The following LYPLAL1 variants were observed in gnomAD, a reference collection of about 807,000 sequenced individuals.
LYPLAL1 encodes the protein lysophospholipase like 1, also known as lysophospholipase-like protein 1.
LYPLAL1 carries 23 observed loss-of-function variants against 19.7 expected under a neutral mutation model. The ratio of observed to expected loss-of-function variants is 1.17; its 90% CI spans 0.84 to 1.65. The LOEUF (loss-of-function observed/expected upper bound fraction) is 1.65, where lower values mean the gene tolerates loss of function less well. LYPLAL1 is among the 40% of genes most tolerant of loss of function. The pLI, the probability that LYPLAL1 is intolerant of heterozygous loss-of-function variation, is 0.00. For synonymous variants in LYPLAL1, 119 were observed against 96.3 expected (o/e 1.24, Z -1.38); for missense variants, 355 against 279.4 (o/e 1.27, Z -1.93).
chr1:219,279,096 A>G, the LYPLAL1 span, among the ~76,000 whole-genome samples: 1 of 152,092 alleles, frequency 6.6e-6, no homozygotes, highest in Admixed American at 6.6e-5. Flanking sequence ...TCTTTTCCCA[A>G]TGCAGTCTGG....
the LYPLAL1 span, among the ~76,000 whole-genome samples, chr1:219,242,095 G>A: frequency 1.6e-4 from 24 of 152,162 alleles, no homozygotes; most frequent in Non-Finnish European, 2.8e-4. Context: ...TAAAATAGGC[G>A]CTATTAAGTT....
At chr1:219,365,004 C>G in the LYPLAL1 span, among the ~76,000 whole-genome samples, 2 of 152,038 alleles carry the variant, frequency 1.3e-5, no homozygotes, top group African/African-American at 2.4e-5. Context: ...GGTGGAAAAT[C>G]TGATAGTTAC....
At chr1:219,250,602 G>A in the LYPLAL1 span, among the ~76,000 whole-genome samples, 10 of 120,522 alleles carry the variant, frequency 8.3e-5, no homozygotes, top group Non-Finnish European at 1.5e-4. Context: ...ATTTTTCTCC[G>A]GCTTTATCCA....
intron 2 of LYPLAL1, among the ~76,000 whole-genome samples, chr1:219,185,945 A>G (rs1021566226): frequency 9.9e-5 from 15 of 151,920 alleles, no homozygotes; most frequent in African/African-American, 3.6e-4. Context: ...GAGAAAACAC[A>G]GACTTCTGTT....
At chr1:219,253,656 T>A in the LYPLAL1 span, among the ~76,000 whole-genome samples, 4 of 152,104 alleles carry the variant, frequency 2.6e-5, no homozygotes, top group African/African-American at 9.6e-5. Context: ...TTAGTAGATT[T>A]CAGTTCTTTT....
At chr1:219,349,149 C>T in the LYPLAL1 span, among the ~76,000 whole-genome samples, 65 of 152,306 alleles carry the variant, frequency 4.3e-4, no homozygotes, top group Non-Finnish European at 8.4e-4. Context: ...GGCTCATAAC[C>T]ACTGGACTGA....
At chr1:219,294,339 G>T in the LYPLAL1 span, among the ~76,000 whole-genome samples, 1 of 152,096 alleles carries the variant, frequency 6.6e-6, no homozygotes, top group Non-Finnish European at 1.5e-5. Flanking sequence ...ACTCACATCT[G>T]CCCTCCTCCT....
chr1:219,241,134 C>CTCTATATATATATATATATA, the LYPLAL1 span, among the ~76,000 whole-genome samples: 30 of 44,362 alleles, frequency 6.8e-4, no homozygotes, highest in African/African-American at 8.0e-4. Context: ...CTCTCTCTCT[C>CTCTATATATATATATATATA]TATATATATA....
the LYPLAL1 span, among the ~76,000 whole-genome samples, chr1:219,339,085 A>G: frequency 6.6e-6 from 1 of 151,920 alleles, no homozygotes; most frequent in Admixed American, 6.6e-5. Context: ...TGGCCCTGGC[A>G]CTAACAAGAC....
At chr1:219,174,161 G>C in intron 1 of LYPLAL1, 180 bp downstream of exon 1, 1 of 1,434,506 alleles carries the variant, frequency 7.0e-7, no homozygotes, top group East Asian at 2.5e-5. Flanking sequence ...AGCCTCCCCC[G>C]TTAGTCTTCC....
chr1:219,199,458 A>G (rs1305450174), intron 3 of LYPLAL1, among the ~76,000 whole-genome samples: 1 of 149,140 alleles, frequency 6.7e-6, no homozygotes, highest in African/African-American at 2.5e-5. Flanking sequence ...TTTTTTTTGG[A>G]GACAGAGTCT....
At chr1:219,210,168 G>A (rs1658893807) in intron 3 of LYPLAL1, among the ~76,000 whole-genome samples, 1 of 152,086 alleles carries the variant, frequency 6.6e-6, no homozygotes, top group Non-Finnish European at 1.5e-5. Context: ...ATTATTAATT[G>A]CGTTGCAGTG....
At chr1:219,248,537 A>G in the LYPLAL1 span, among the ~76,000 whole-genome samples, 146,461 of 152,166 alleles carry the variant, frequency 0.96, 70,741 homozygotes, top group East Asian at 1. Context: ...ATTATAAAGC[A>G]TGCCAGGAAT....
At chr1:219,325,796 CT>C in the LYPLAL1 span, among the ~76,000 whole-genome samples, 1 of 152,162 alleles carries the variant, frequency 6.6e-6, no homozygotes, top group African/African-American at 2.4e-5. Context: ...GGTGTTGGCT[CT>C]CATTGGTGAT....
At chr1:219,289,021 C>T in the LYPLAL1 span, among the ~76,000 whole-genome samples, 3 of 150,998 alleles carry the variant, frequency 2.0e-5, no homozygotes, top group Non-Finnish European at 4.4e-5. Context: ...AACATAGGCT[C>T]CTTTCCTTCT....
At chr1:219,443,189 T>C in the LYPLAL1 span, among the ~76,000 whole-genome samples, 1 of 152,206 alleles carries the variant, frequency 6.6e-6, no homozygotes, top group African/African-American at 2.4e-5. Flanking sequence ...GGATGAGGTA[T>C]TTTGCAGGTA....
chr1:219,382,002 G>T, the LYPLAL1 span, among the ~76,000 whole-genome samples: 1 of 152,180 alleles, frequency 6.6e-6, no homozygotes, highest in Non-Finnish European at 1.5e-5. Flanking sequence ...GCCTGCACTG[G>T]CTTAGCTAGG....
chr1:219,379,193 T>G, the LYPLAL1 span, among the ~76,000 whole-genome samples: 1 of 152,206 alleles, frequency 6.6e-6, no homozygotes, highest in African/African-American at 2.4e-5. Flanking sequence ...TCACTATTTT[T>G]CAAACTTTTG....
chr1:219,343,451 A>T, the LYPLAL1 span, among the ~76,000 whole-genome samples: 1 of 152,196 alleles, frequency 6.6e-6, no homozygotes, highest in African/African-American at 2.4e-5. Flanking sequence ...GCAAGATCTT[A>T]ACATGTATCC....
Sources: gnomAD v4.1 joint callset for allele counts (sites outside exome capture counted in the v4.1 genomes callset) on GRCh38, gnomAD v4.1.1 for gene constraint, MANE v1.5 for transcripts, NCBI Gene and HGNC (gene_info 2026-07-23, HGNC 2026-07-21) for gene names.